COL24A1: variants seen among roughly 807,000 people sequenced by gnomAD.
The protein encoded by COL24A1 is collagen type XXIV alpha 1 chain.
A neutral mutation model predicts 253.9 loss-of-function variants in COL24A1; 224 were observed. That is an observed-to-expected ratio of 0.88 (90% CI 0.79 to 0.99). The LOEUF (loss-of-function observed/expected upper bound fraction) is 0.99. COL24A1 is among the 50% of genes least tolerant of loss of function. The pLI is 0.00. For missense variants in COL24A1, 2,131 were observed against 2,068.5 expected (o/e 1.03, Z -0.59); for synonymous variants, 685 against 673.7 (o/e 1.02, Z -0.26).
chr1:85,790,579 G>A (rs988965063), intron 47 of COL24A1, among the ~76,000 whole-genome samples: 18 of 151,414 alleles, frequency 1.2e-4, no homozygotes, highest in African/African-American at 2.4e-4. Flanking sequence ...GCTTTGTACT[G>A]TTGCTTGGTG....
chr1:85,803,376 G>A (rs1338836039), intron 47 of COL24A1, among the ~76,000 whole-genome samples: 1 of 148,316 alleles, frequency 6.7e-6, no homozygotes, highest in Non-Finnish European at 1.5e-5. Context: ...GTTGCAGTGA[G>A]CTGAGATCAT....
intron 7 of COL24A1, among the ~76,000 whole-genome samples, chr1:86,081,490 T>A (rs936019791): frequency 6.6e-6 from 1 of 152,186 alleles, no homozygotes; most frequent in Non-Finnish European, 1.5e-5. Context: ...TCCTATGTTA[T>A]CACTACTCCT....
intron 19 of COL24A1, among the ~76,000 whole-genome samples, chr1:86,000,266 G>C (rs566018791): frequency 1.3e-5 from 2 of 152,186 alleles, no homozygotes; most frequent in South Asian, 4.2e-4. Flanking sequence ...ATTCTCACAT[G>C]ATGCCTTCAC....
chr1:85,997,307 C>A (rs1019536570), intron 19 of COL24A1, among the ~76,000 whole-genome samples: 1 of 151,576 alleles, frequency 6.6e-6, no homozygotes, highest in Admixed American at 6.6e-5. Context: ...AGATATTGGG[C>A]AATAAAGATG....
At chr1:86,119,895 T>C (rs1245701985) in intron 3 of COL24A1, among the ~76,000 whole-genome samples, 1 of 152,042 alleles carries the variant, frequency 6.6e-6, no homozygotes, top group Non-Finnish European at 1.5e-5. Flanking sequence ...CAAACTATAC[T>C]ACAAGGCTAC....
At chr1:85,974,669 T>C (rs940935775) in intron 20 of COL24A1, among the ~76,000 whole-genome samples, 3 of 152,158 alleles carry the variant, frequency 2.0e-5, no homozygotes, top group African/African-American at 4.8e-5. Context: ...TCCAATGTTC[T>C]ATTTAATATC....
intron 42 of COL24A1, 107 bp from the exon 43 acceptor site, chr1:85,838,745 C>A: frequency 1.0e-6 from 1 of 967,786 alleles, no homozygotes; most frequent in South Asian, 1.5e-5. Flanking sequence ...AAATATAAAA[C>A]CAAATATATG....
intron 33 of COL24A1, among the ~76,000 whole-genome samples, chr1:85,875,923 C>T (rs555658737): frequency 6.6e-6 from 1 of 152,126 alleles, no homozygotes; most frequent in East Asian, 1.9e-4. Flanking sequence ...TTTTTGTCTC[C>T]AAGAGATATT....
At chr1:85,923,701 G>T (rs1272420308) in intron 24 of COL24A1, among the ~76,000 whole-genome samples, 1 of 152,122 alleles carries the variant, frequency 6.6e-6, no homozygotes. Flanking sequence ...AGCACTAAAT[G>T]CCCACAAGAG....
At chr1:86,039,503 T>C (rs993007342) in intron 12 of COL24A1, among the ~76,000 whole-genome samples, 16 of 152,104 alleles carry the variant, frequency 1.1e-4, no homozygotes, top group African/African-American at 3.6e-4. Flanking sequence ...TACAGAATTT[T>C]TAAAAAACAA....
chr1:85,831,895 T>C (rs6676346), intron 43 of COL24A1, among the ~76,000 whole-genome samples: 2 of 152,000 alleles, frequency 1.3e-5, no homozygotes, highest in Non-Finnish European at 2.9e-5. Flanking sequence ...AGCCTGATGG[T>C]AGTTTCTTTT....
intron 52 of COL24A1, among the ~76,000 whole-genome samples, chr1:85,779,048 G>A (rs1416314786): frequency 6.6e-5 from 10 of 150,634 alleles, no homozygotes; most frequent in South Asian, 4.2e-4. Context: ...CTCTGTTTGC[G>A]CAGGCTGGAG....
At chr1:85,795,909 G>A (rs879724054) in intron 47 of COL24A1, among the ~76,000 whole-genome samples, 36 of 152,018 alleles carry the variant, frequency 2.4e-4, no homozygotes, top group African/African-American at 7.7e-4. Flanking sequence ...GGAATTTCTC[G>A]TTTTATTTGG....
chr1:86,090,158 T>G (rs548740732), intron 6 of COL24A1, among the ~76,000 whole-genome samples: 15 of 152,296 alleles, frequency 9.8e-5, no homozygotes, highest in African/African-American at 3.6e-4. Flanking sequence ...TAGCGCTACC[T>G]TTTTTACATT....
At chr1:85,957,643 T>C (rs1178985204) in intron 24 of COL24A1, among the ~76,000 whole-genome samples, 1 of 152,202 alleles carries the variant, frequency 6.6e-6, no homozygotes, top group Non-Finnish European at 1.5e-5. Context: ...CTTCCAAATA[T>C]ATCCACTTCT....
chr1:86,102,069 C>T (rs903269846), intron 5 of COL24A1, among the ~76,000 whole-genome samples: 4 of 133,142 alleles, frequency 3.0e-5, no homozygotes, highest in African/African-American at 1.1e-4. Flanking sequence ...TTTTGGTGCT[C>T]ATTTTTGGTC....
At position 86,079,973 on chromosome 1, in the gene COL24A1, T is replaced by C. The variant is rs932497345; in HGVS notation, c.1707+9201A>G. Among the ~76,000 whole-genome samples, 8 of 152,198 alleles carry C rather than the reference T, an allele frequency of 5.3e-5. 1 individual carries two copies. Among genetic ancestry groups the C allele is most frequent in the Non-Finnish European group, 1.2e-4 (8 of 68,024 alleles). ...TATCAAAGAGGTATCTGCACTCCCATGTTTGTTGCAGCACTGTTCACAATA... is the reference window on the plus strand; with the variant it reads ...TATCAAAGAGGTATCTGCACTCCCACGTTTGTTGCAGCACTGTTCACAATA... On this transcript the variant is annotated intron_variant, in intron 7 of 59. Transcript: ENST00000370571.
chr1:85,895,792 A>C lies in COL24A1; in HGVS notation c.2922+66T>G, dbSNP rs374146687. On this transcript the variant is annotated intron_variant, in intron 31 of 59. Coordinates refer to ENST00000370571, the MANE Select transcript of COL24A1 (RefSeq NM_152890.7). Reference sequence around the variant, plus strand: ...CAAAAAATCCCCCAAACATTGTTTGAGCAGCCCCTTTCCCCCAAAAATGCA... The same window carrying C: ...CAAAAAATCCCCCAAACATTGTTTGCGCAGCCCCTTTCCCCCAAAAATGCA... 1.8e-3 allele frequency: 2,347 copies of C among 1,279,230 alleles called. 9 individuals are homozygous for C. Among genetic ancestry groups the C allele is most frequent in the Non-Finnish European group, 2.4e-3 (2,125 of 901,654 alleles). The allele number at this position is 1,279,230 out of a possible 1,614,324, so 79.2% of individuals were successfully genotyped here.
At chr1:85,956,346 G>T (rs1435429918) in intron 24 of COL24A1, among the ~76,000 whole-genome samples, 1 of 152,170 alleles carries the variant, frequency 6.6e-6, no homozygotes, top group African/African-American at 2.4e-5. Flanking sequence ...TCATGAGAGG[G>T]TTTATGATTA....
Sources: allele counts gnomAD v4.1 joint callset (sites outside exome capture counted in the v4.1 genomes callset), GRCh38; gene constraint gnomAD v4.1.1; transcripts MANE v1.5; gene names NCBI Gene and HGNC (gene_info 2026-07-23, HGNC 2026-07-21).